THSD4: variants seen among roughly 807,000 people sequenced by gnomAD.
The protein encoded by THSD4 is thrombospondin type 1 domain containing 4, also known as thrombospondin type-1 domain-containing protein 4.
Under a neutral mutation model 119.0 loss-of-function variants are expected in THSD4, and 69 were observed. The ratio of observed to expected loss-of-function variants is 0.58; its 90% CI spans 0.48 to 0.71. The LOEUF (loss-of-function observed/expected upper bound fraction) is 0.71. Ranked by LOEUF, THSD4 falls within the 30% of genes least tolerant of loss-of-function variation. The pLI is 0.00. For missense variants in THSD4, 1,393 were observed against 1,391.1 expected (o/e 1.00, Z -0.02); for synonymous variants, 524 against 540.4 (o/e 0.97, Z 0.42).
intron 7 of THSD4, among the ~76,000 whole-genome samples, chr15:71,433,135 A>G (rs2140536636): frequency 6.6e-6 from 1 of 151,824 alleles, no homozygotes; most frequent in East Asian, 1.9e-4. Flanking sequence ...TTTAATGTGG[A>G]AGACGGCATA....
At chr15:71,442,248 G>A (rs576109390) in intron 7 of THSD4, among the ~76,000 whole-genome samples, 20 of 150,462 alleles carry the variant, frequency 1.3e-4, no homozygotes, top group African/African-American at 2.4e-4. Context: ...ATGAGCCACC[G>A]CACCCAGCCC....
At chr15:71,238,080 T>A (rs2044121096) in intron 4 of THSD4, among the ~76,000 whole-genome samples, 1 of 151,936 alleles carries the variant, frequency 6.6e-6, no homozygotes, top group African/African-American at 2.4e-5. Flanking sequence ...GTGGGGGTGT[T>A]CCATGTACTT....
intron 6 of THSD4, among the ~76,000 whole-genome samples, chr15:71,289,077 G>A (rs1285278559): frequency 6.6e-6 from 1 of 152,172 alleles, no homozygotes; most frequent in Non-Finnish European, 1.5e-5. Context: ...TCTTTCCTGT[G>A]CTGCCTCAGG....
intron 7 of THSD4, among the ~76,000 whole-genome samples, chr15:71,412,195 T>C (rs960268014): frequency 6.6e-6 from 1 of 152,172 alleles, no homozygotes; most frequent in African/African-American, 2.4e-5. Context: ...GTCATGAGGG[T>C]GGCATTTTAA....
chr15:71,604,625 T>C (rs2050073712), intron 7 of THSD4, among the ~76,000 whole-genome samples: 1 of 152,202 alleles, frequency 6.6e-6, no homozygotes, highest in Non-Finnish European at 1.5e-5. Context: ...GTGTATTATC[T>C]ATATCAAATC....
At chr15:71,187,261 T>G (rs1311142969) in intron 3 of THSD4, 1 of 152,636 alleles carries the variant, frequency 6.6e-6, no homozygotes, top group African/African-American at 2.4e-5. Context: ...AAAGACTTTC[T>G]GGAAAACAGA....
chr15:71,395,468 G>A (rs1354509552), intron 6 of THSD4, among the ~76,000 whole-genome samples: 2 of 152,108 alleles, frequency 1.3e-5, no homozygotes, highest in East Asian at 3.9e-4. Flanking sequence ...CTGGCCGGGT[G>A]CTGTGGCTCA....
At chr15:71,631,280 C>T (rs1191690464) in intron 7 of THSD4, among the ~76,000 whole-genome samples, 1 of 152,004 alleles carries the variant, frequency 6.6e-6, no homozygotes, top group Non-Finnish European at 1.5e-5. Flanking sequence ...CAAAGTGATT[C>T]TAGGATACAC....
intron 7 of THSD4, among the ~76,000 whole-genome samples, chr15:71,561,922 A>T (rs200342381): frequency 0.55 from 76,720 of 139,902 alleles, 20,635 homozygotes; most frequent in African/African-American, 0.66. Flanking sequence ...ACACACACAA[A>T]CACTCACTCA....
At chr15:71,217,265 G>A (rs1423598603) in intron 4 of THSD4, among the ~76,000 whole-genome samples, 1 of 152,086 alleles carries the variant, frequency 6.6e-6, no homozygotes, top group Non-Finnish European at 1.5e-5. Flanking sequence ...TGAAACATAT[G>A]GATGTTCTCA....
intron 3 of THSD4, among the ~76,000 whole-genome samples, chr15:71,197,080 C>T (rs1398315432): frequency 6.6e-6 from 1 of 152,148 alleles, no homozygotes; most frequent in South Asian, 2.1e-4. Context: ...CCCAGGAAAC[C>T]TTCTTAAAAC....
rs2053944621 is a variant in THSD4, at chr15:71,778,025, C to G, written c.*651C>G. 1 of 152,544 alleles carries G rather than the reference C, an allele frequency of 6.6e-6. No homozygotes were observed. Among genetic ancestry groups the G allele is most frequent in the Non-Finnish European group, 1.5e-5 (1 of 68,288 alleles). The allele number at this position is 152,544 out of a possible 1,614,324, so 9.4% of individuals were successfully genotyped here. ...GAGGCAGGGGGTGACTCATTATCCC[C>G]ATTTTACTGACAGGGAAACTGAGGC... On this transcript the variant is annotated 3_prime_UTR_variant, in exon 18 of 18. Transcript: ENST00000261862.
At chr15:71,117,156 C>A (rs912140017) in intron 1 of THSD4, among the ~76,000 whole-genome samples, 1 of 152,090 alleles carries the variant, frequency 6.6e-6, no homozygotes. Context: ...TGTGGGGAGG[C>A]TGGCCAGTGG....
chr15:71,380,596 C>A (rs1450115946), intron 6 of THSD4, among the ~76,000 whole-genome samples: 1 of 152,052 alleles, frequency 6.6e-6, no homozygotes, highest in African/African-American at 2.4e-5. Context: ...ATCAAACAAA[C>A]CAAACTTCTG....
chr15:71,615,371 CA>C (rs1319181107), intron 7 of THSD4, among the ~76,000 whole-genome samples: 1 of 152,084 alleles, frequency 6.6e-6, no homozygotes, highest in Non-Finnish European at 1.5e-5. Flanking sequence ...AATAAGACAA[CA>C]AGCAAAAACC....
chr15:71,726,311 A>G (rs1056654575), intron 8 of THSD4, among the ~76,000 whole-genome samples: 3 of 152,186 alleles, frequency 2.0e-5, no homozygotes, highest in Admixed American at 2.0e-4. Flanking sequence ...CCCTCTGTGC[A>G]GTTTCTGATT....
chr15:71,489,674 T>A (rs1312463384), intron 7 of THSD4, among the ~76,000 whole-genome samples: 12 of 152,206 alleles, frequency 7.9e-5, no homozygotes, highest in Non-Finnish European at 1.5e-4. Context: ...TTAAAAAAAA[T>A]TTGATGTTTG....
At chr15:71,233,065 G>A (rs900935051) in intron 4 of THSD4, among the ~76,000 whole-genome samples, 12 of 152,174 alleles carry the variant, frequency 7.9e-5, no homozygotes, top group Non-Finnish European at 1.3e-4. Context: ...ACTCTAAGAA[G>A]CTTCCGCCTC....
At chr15:71,229,185 G>A (rs1362183675) in intron 4 of THSD4, among the ~76,000 whole-genome samples, 1 of 152,198 alleles carries the variant, frequency 6.6e-6, no homozygotes, top group East Asian at 1.9e-4. Flanking sequence ...GCTTGGACAG[G>A]TTCTTCAATG....
Sources: allele counts gnomAD v4.1 joint callset (sites outside exome capture counted in the v4.1 genomes callset), GRCh38; gene constraint gnomAD v4.1.1; transcripts MANE v1.5; gene names NCBI Gene and HGNC (gene_info 2026-07-23, HGNC 2026-07-21).